TXNRD1: variants seen among roughly 807,000 people sequenced by gnomAD.
TXNRD1 encodes thioredoxin reductase 1.
In TXNRD1, 57 loss-of-function variants were observed where a neutral mutation model predicts 80.3. The observed-to-expected ratio is 0.71, with a 90% confidence interval of 0.57 to 0.89. The LOEUF (loss-of-function observed/expected upper bound fraction) is 0.89. TXNRD1 is among the 40% of genes least tolerant of loss of function. The pLI is 0.00. For missense variants in TXNRD1, 730 were observed against 803.0 expected (o/e 0.91, Z 1.10); for synonymous variants, 291 against 285.2 (o/e 1.02, Z -0.20).
At chr12:104,265,707 G>T (rs1593725333) in intron 3 of TXNRD1, 3 of 1,602,322 alleles carry the variant, frequency 1.9e-6, no homozygotes, top group Non-Finnish European at 1.7e-6. Flanking sequence ...AGGAGATCGC[G>T]GCCAGCAAGT....
intron 1 of TXNRD1, among the ~76,000 whole-genome samples, chr12:104,246,009 A>C (rs1215226634): frequency 6.7e-6 from 1 of 148,750 alleles, no homozygotes; most frequent in Non-Finnish European, 1.5e-5. Context: ...GCTACTCGGG[A>C]GGTCAAGGCA....
intron 9 of TXNRD1, among the ~76,000 whole-genome samples, chr12:104,320,671 T>A (rs1201477766): frequency 6.6e-6 from 1 of 152,054 alleles, no homozygotes; most frequent in Non-Finnish European, 1.5e-5. Flanking sequence ...TGCATCCTAG[T>A]CCACATTCTT....
intron 3 of TXNRD1, among the ~76,000 whole-genome samples, chr12:104,270,033 T>A (rs1208182198): frequency 6.6e-6 from 1 of 152,178 alleles, no homozygotes; most frequent in Non-Finnish European, 1.5e-5. Flanking sequence ...TCTATTTCTC[T>A]TGTTATTTCC....
intron 3 of TXNRD1, among the ~76,000 whole-genome samples, chr12:104,262,774 T>C: frequency 9.4e-6 from 1 of 106,880 alleles, no homozygotes; most frequent in East Asian, 4.3e-4. Context: ...TTAGACTTGT[T>C]TGTGTTTTTT....
At chr12:104,322,682 T>G (rs924302824) in intron 10 of TXNRD1, among the ~76,000 whole-genome samples, 1 of 152,176 alleles carries the variant, frequency 6.6e-6, no homozygotes, top group Non-Finnish European at 1.5e-5. Flanking sequence ...GCCTGGCCTG[T>G]AGCTGTTTTT....
At chr12:104,345,610 C>T (rs984448572) in intron 16 of TXNRD1, among the ~76,000 whole-genome samples, 7 of 152,072 alleles carry the variant, frequency 4.6e-5, no homozygotes, top group African/African-American at 1.4e-4. Context: ...ACACCTGAGC[C>T]GCAGTCATTG....
chr12:104,257,704 C>T (rs7297560), intron 2 of TXNRD1, among the ~76,000 whole-genome samples: 119,239 of 152,130 alleles, frequency 0.78, 47,080 homozygotes, highest in East Asian at 0.87. Flanking sequence ...CCACCGCACC[C>T]GGCCTGCTTT....
intron 3 of TXNRD1, among the ~76,000 whole-genome samples, chr12:104,277,939 T>C (rs1014449025): frequency 6.7e-6 from 1 of 150,034 alleles, no homozygotes; most frequent in African/African-American, 2.5e-5. Flanking sequence ...TGCAGTGGCG[T>C]GATCTTGGTT....
chr12:104,233,647 G>A (rs992522909), intron 1 of TXNRD1, among the ~76,000 whole-genome samples: 51 of 151,922 alleles, frequency 3.4e-4, no homozygotes, highest in African/African-American at 1.1e-3. Context: ...TCAGCCTCCC[G>A]AGTAGCTGGG....
intron 2 of TXNRD1, 101 bp downstream of exon 2, chr12:104,251,779 A>C: frequency 7.1e-7 from 1 of 1,417,434 alleles, no homozygotes. Context: ...GGAAGAGTGT[A>C]TGTAGGCTGG....
chr12:104,289,161 A>G, intron 4 of TXNRD1, 121 bp downstream of exon 4: 1 of 1,234,956 alleles, frequency 8.1e-7, no homozygotes, highest in Non-Finnish European at 1.1e-6. Context: ...AGCGCTGGGA[A>G]ATGACGAAAA....
intron 1 of TXNRD1, among the ~76,000 whole-genome samples, chr12:104,224,173 C>CT (rs1304519675): frequency 6.6e-6 from 1 of 152,074 alleles, no homozygotes; most frequent in Non-Finnish European, 1.5e-5. Context: ...AATGGTTGTT[C>CT]TCTTTTACCT....
At chr12:104,265,652 C>T (rs1251704587) in intron 3 of TXNRD1, 2 of 1,606,438 alleles carry the variant, frequency 1.2e-6, no homozygotes, top group Middle Eastern at 2.2e-4. Flanking sequence ...GACATGGGTG[C>T]CCGGCACCGC....
intron 13 of TXNRD1, among the ~76,000 whole-genome samples, chr12:104,330,275 G>T (rs1264422409): frequency 6.6e-6 from 1 of 152,134 alleles, no homozygotes; most frequent in African/African-American, 2.4e-5. Context: ...ATAACTGCTA[G>T]GCTTTTACCA....
At chr12:104,327,747 G>C (rs958352411) in intron 13 of TXNRD1, 76 bp downstream of exon 13, 41 of 1,497,574 alleles carry the variant, frequency 2.7e-5, no homozygotes, top group Non-Finnish European at 3.2e-5. Flanking sequence ...GGGCAGTTGG[G>C]AAGTTTCGCA....
intron 1 of TXNRD1, among the ~76,000 whole-genome samples, chr12:104,234,909 T>G (rs1356444773): frequency 6.6e-6 from 1 of 152,166 alleles, no homozygotes; most frequent in East Asian, 1.9e-4. Context: ...TGGAACTCCT[T>G]TCTATGGTGT....
At chr12:104,275,739 T>C (rs565448706) in intron 3 of TXNRD1, among the ~76,000 whole-genome samples, 1 of 152,242 alleles carries the variant, frequency 6.6e-6, no homozygotes, top group East Asian at 1.9e-4. Context: ...TTACTGTGAA[T>C]GACCAACCTG....
In TXNRD1 at chr12:104,349,365, ATTTC is replaced by A. The variant is rs1169739821; in HGVS notation, c.*950_*953del. The A allele has an allele frequency of 7.9e-5, 12 of 152,536 alleles. No homozygotes were observed. The highest frequency in any genetic ancestry group is 2.9e-4 in the African/African-American group (12 of 41,452). 9.4% of individuals were successfully genotyped at this position (152,536 alleles called of 1,614,324 possible). The stretch of plus-strand genomic sequence containing the variant: ...AAAAAAATAATGACATTGGGTATCT[ATTTC>A]TTTCTAAGACTACATTAGTAGGAAA... On this transcript the variant is annotated 3_prime_UTR_variant, in exon 17 of 17. Transcript: ENST00000525566.
intron 1 of TXNRD1, among the ~76,000 whole-genome samples, chr12:104,224,558 G>GT (rs113947836): frequency 1.1e-3 from 174 of 151,978 alleles, no homozygotes; most frequent in African/African-American, 3.9e-3. Context: ...GCTAATTTTT[G>GT]TTTTTTTAGT....
Sources: gnomAD v4.1 joint callset for allele counts (sites outside exome capture counted in the v4.1 genomes callset) on GRCh38, gnomAD v4.1.1 for gene constraint, MANE v1.5 for transcripts, NCBI Gene and HGNC (gene_info 2026-07-23, HGNC 2026-07-21) for gene names.